CHRNB4: variants seen among roughly 807,000 people sequenced by gnomAD.
CHRNB4 encodes cholinergic receptor nicotinic beta 4 subunit, also known as neuronal acetylcholine receptor subunit beta-4.
CHRNB4 carries 23 observed loss-of-function variants against 40.4 expected under a neutral mutation model. That is an observed-to-expected ratio of 0.57 (90% CI 0.41 to 0.81). The LOEUF is 0.81. Among genes scored for constraint, CHRNB4 ranks in the 30% least tolerant of loss-of-function variants. The probability of loss-of-function intolerance (pLI) is 0.00; values close to 1 mark genes in which losing one functional copy is unlikely to be tolerated. For missense variants in CHRNB4, 568 were observed against 670.6 expected, an observed-to-expected ratio of 0.85 and a Z score of 1.69; for synonymous variants, 285 against 274.4, an observed-to-expected ratio of 1.04 and a Z score of -0.38.
chr15:78,656,650 C>G (rs1214092095), exon 4 of CHRNB4: 1 of 152,164 alleles, frequency 6.6e-6, no homozygotes, highest in Non-Finnish European at 1.5e-5. Flanking sequence ...ATTCCTGCAG[C>G]ACTCATTGGC....
At position 78,641,100 on chromosome 15, in the gene CHRNB4, G is replaced by A; in HGVS notation, c.34C>T (p.Leu12=). The part of the protein sequence containing the change: ...RRAPSLVLFF[L]VALCGRGNCR... The stretch of plus-strand genomic sequence containing the variant: ...TCACCGCGCCCGCAAAGGGCGACCA[G>A]GAAGAAAAGGACCAGGGAAGGCGCG... Residue 12 remains leucine, a synonymous_variant, in exon 1 of 6, where the codon CTG becomes TTG. Coordinates refer to ENST00000261751, the MANE Select transcript of CHRNB4 (RefSeq NM_000750.5). 6.3e-7 allele frequency: 1 copy of A among 1,582,832 alleles called. No individual in the cohort carries two copies. Among genetic ancestry groups the A allele is most frequent in the Non-Finnish European group, 8.6e-7 (1 of 1,165,276 alleles).
Position 78,632,254 on chromosome 15 carries a change from T to G in CHRNB4, c.205-922A>C, listed in dbSNP as rs1199829247. 0.021 allele frequency among the ~76,000 whole-genome samples: 1,322 copies of G among 62,728 alleles called. 146 individuals are homozygous for G. The East Asian group carries it at 0.32, about 15-fold the overall frequency. The allele number at this position is 62,728 out of a possible 152,430, so 41.2% of individuals were successfully genotyped here. ...CTCTCTCTCTCTCTCTCTCTCTCTC[T>G]CTTTCTTTCTTTCTTTCTTTCTTTC... On this transcript the variant is annotated intron_variant, in intron 2 of 5. Transcript: ENST00000261751.
At chr15:78,630,976 G>T in intron 4 of CHRNB4, 100 bp downstream of exon 4, 1 of 898,362 alleles carries the variant, frequency 1.1e-6, no homozygotes, top group Non-Finnish European at 1.8e-6. Context: ...GTAAAGCAGA[G>T]ATGGGGCTCA....
chr15:78,634,181 G>T (rs2053895553), intron 2 of CHRNB4, among the ~76,000 whole-genome samples: 1 of 152,164 alleles, frequency 6.6e-6, no homozygotes, highest in South Asian at 2.1e-4. Context: ...ATGGGTGGGG[G>T]CTGGTGGCCG....
chr15:78,630,143 C>CCT (rs563770815), intron 4 of CHRNB4, among the ~76,000 whole-genome samples, 198 bp from the exon 5 acceptor site: 1 of 143,196 alleles, frequency 7.0e-6, no homozygotes, highest in African/African-American at 2.6e-5. Flanking sequence ...AAGCACCCCC[C>CCT]TTTTTTTTTT....
At chr15:78,625,313 G>C in intron 5 of CHRNB4, 22 bp from the exon 6 acceptor site, 1 of 1,523,816 alleles carries the variant, frequency 6.6e-7, no homozygotes, top group Non-Finnish European at 8.8e-7. Context: ...CAGAGGAGTT[G>C]GTCACAGGTG....
At chr15:78,637,003 G>A (rs1163983454) in intron 1 of CHRNB4, among the ~76,000 whole-genome samples, 1 of 152,162 alleles carries the variant, frequency 6.6e-6, no homozygotes, top group African/African-American at 2.4e-5. Context: ...GAGCTGAGAT[G>A]GAGGGGATTT....
upstream of CHRNB4, among the ~76,000 whole-genome samples, chr15:78,643,575 T>C (rs1328915162): frequency 1.3e-5 from 2 of 152,150 alleles, no homozygotes; most frequent in African/African-American, 4.8e-5. Flanking sequence ...ACATATGAAA[T>C]TGCCATTTTT....
chr15:78,642,572 T>A (rs1209512539), upstream of CHRNB4, among the ~76,000 whole-genome samples: 1 of 152,086 alleles, frequency 6.6e-6, no homozygotes, highest in African/African-American at 2.4e-5. Context: ...TGCTGATCCG[T>A]GGTCTGTATC....
intron 1 of CHRNB4, among the ~76,000 whole-genome samples, chr15:78,660,129 C>G (rs2054240088): frequency 1.3e-5 from 2 of 151,706 alleles, no homozygotes; most frequent in Admixed American, 1.3e-4. Flanking sequence ...ATTGCTTGAA[C>G]CTGGAAGGCA....
chr15:78,632,894 C>T (rs1483488957), intron 2 of CHRNB4, among the ~76,000 whole-genome samples: 1 of 152,240 alleles, frequency 6.6e-6, no homozygotes, highest in African/African-American at 2.4e-5. Flanking sequence ...CACACACATA[C>T]ATCTCTTCTT....
chr15:78,653,131 A>T (rs2054186858), intron 5 of CHRNB4, among the ~76,000 whole-genome samples: 1 of 152,164 alleles, frequency 6.6e-6, no homozygotes, highest in African/African-American at 2.4e-5. Flanking sequence ...TCTCCTTTAT[A>T]ACAGATGGGA....
upstream of CHRNB4, chr15:78,641,371 C>G (rs1596119106): frequency 2.2e-6 from 1 of 459,354 alleles, no homozygotes; most frequent in Non-Finnish European, 3.8e-6. Flanking sequence ...CCTGGCTTCC[C>G]TATCTCTTCG....
At chr15:78,632,859 G>A (rs894068474) in intron 2 of CHRNB4, among the ~76,000 whole-genome samples, 1 of 151,802 alleles carries the variant, frequency 6.6e-6, no homozygotes, top group Non-Finnish European at 1.5e-5. Flanking sequence ...TGTTCATTCT[G>A]TACACCACCA....
intron 5 of CHRNB4, among the ~76,000 whole-genome samples, 171 bp downstream of exon 5, chr15:78,628,796 C>T (rs936317609): frequency 2.6e-5 from 4 of 152,196 alleles, no homozygotes; most frequent in Non-Finnish European, 5.9e-5. Flanking sequence ...TTCCTCTCCC[C>T]GGATGCATGA....
intron 5 of CHRNB4, 76 bp from the exon 6 acceptor site, chr15:78,625,367 CTCTGGCCA>C: frequency 7.2e-7 from 1 of 1,398,544 alleles, no homozygotes; most frequent in Non-Finnish European, 9.7e-7. Context: ...GGCCCTTACT[CTCTGGCCA>C]GGGACTCCAC....
intron 2 of CHRNB4, chr15:78,634,643 C>T: frequency 4.4e-6 from 2 of 451,626 alleles, no homozygotes; most frequent in Non-Finnish European, 4.5e-6. Flanking sequence ...AGGGTCAGCC[C>T]CCTTGGTGGT....
chr15:78,645,544 C>G (rs148627545), upstream of CHRNB4, among the ~76,000 whole-genome samples: 67 of 152,238 alleles, frequency 4.4e-4, no homozygotes, highest in African/African-American at 1.5e-3. Context: ...CACCACCCCT[C>G]AGCTGGAATA....
intron 5 of CHRNB4, among the ~76,000 whole-genome samples, chr15:78,625,576 C>T (rs533885425): frequency 6.6e-6 from 1 of 152,318 alleles, no homozygotes; most frequent in South Asian, 2.1e-4. Flanking sequence ...GTTAATACTA[C>T]ATATTATGAT....
Sources: gnomAD v4.1 joint callset for allele counts (sites outside exome capture counted in the v4.1 genomes callset) on GRCh38, gnomAD v4.1.1 for gene constraint, MANE v1.5 for transcripts, NCBI Gene and HGNC (gene_info 2026-07-23, HGNC 2026-07-21) for gene names.